ATP11B: variants seen among roughly 807,000 people sequenced by gnomAD.
ATP11B encodes the protein ATPase phospholipid transporting 11B (putative).
In ATP11B, 81 loss-of-function variants were observed where a neutral mutation model predicts 157.8. The ratio of observed to expected loss-of-function variants is 0.51; its 90% CI spans 0.43 to 0.62. ATP11B has a LOEUF of 0.62. ATP11B is among the 20% of genes least tolerant of loss of function. The probability of loss-of-function intolerance (pLI) is 0.00; values close to 1 mark genes in which losing one functional copy is unlikely to be tolerated. For synonymous variants in ATP11B, 451 were observed against 469.4 expected (o/e 0.96, Z 0.51); for missense variants, 1,165 against 1,402.2 (o/e 0.83, Z 2.70).
chr3:182,897,465 G>A, intron 27 of ATP11B, 59 bp downstream of exon 27: 1 of 1,178,566 alleles, frequency 8.5e-7, no homozygotes, highest in Non-Finnish European at 1.2e-6. Context: ...CATTTATTGT[G>A]ATAGGTTACA....
intron 4 of ATP11B, among the ~76,000 whole-genome samples, chr3:182,834,662 T>G (rs1422563245): frequency 6.6e-6 from 1 of 152,250 alleles, no homozygotes; most frequent in African/African-American, 2.4e-5. Context: ...TCTTTTCCAC[T>G]TAAAAGATCG....
rs1030256822 is a variant in ATP11B at position 182,920,314 on chromosome 3, C to A, written c.*2210C>A. On this transcript the variant is annotated 3_prime_UTR_variant, in exon 30 of 30. Coordinates refer to ENST00000323116, the MANE Select transcript of ATP11B (RefSeq NM_014616.3). The stretch of plus-strand genomic sequence containing the variant: ...CTAGTGTGCTCATCCTGAACTGTTA[C>A]TCCAAATCCACTCCGTTTTTAAAGC... 2 of 152,156 alleles carry A rather than the reference C, an allele frequency of 1.3e-5. No individual in the cohort carries two copies. Among genetic ancestry groups the A allele is most frequent in the Non-Finnish European group, 2.9e-5 (2 of 68,028 alleles). The allele number at this position is 152,156 out of a possible 1,614,324, so 9.4% of individuals were successfully genotyped here.
At chr3:182,894,557 A>C (rs906969245) in intron 25 of ATP11B, among the ~76,000 whole-genome samples, 9 of 152,192 alleles carry the variant, frequency 5.9e-5, no homozygotes, top group African/African-American at 1.9e-4. Context: ...GCTCAAGGGC[A>C]AGTCAGAATG....
Position 182,820,288 on chromosome 3 carries a change from C to G in ATP11B, c.56C>G (p.Thr19Arg), listed in dbSNP as rs959180783. 1 of 1,614,050 alleles carries G rather than the reference C, an allele frequency of 6.2e-7. No individual in the cohort carries two copies. Residue 19 changes from threonine (T) to arginine (R), a missense_variant, in exon 2 of 30, where the codon ACA becomes AGA. By Grantham distance (71) the Thr-to-Arg change is moderately conservative (BLOSUM62 -1). This residue lies in a region of ATP11B where 91 missense variants were observed against 95.8 expected (regional missense o/e 0.95). Transcript: ENST00000323116. ...TTTGACCCACCACATCAGAGTGACA[C>G]AAGAACCATCTACGTAGCCAACAGG... is the stretch of plus-strand genomic sequence containing the variant. ...LGFDPPHQSD[T>R]RTIYVANRFP...
At position 182,921,256 on chromosome 3, in the gene ATP11B, T is replaced by G. The variant is rs1271916030; in HGVS notation, c.*3152T>G. ...ACCAAAGAGTTACGTAAAACATGTT[T>G]TATTAATTTTGGTCCCCACGTACAG... is the stretch of plus-strand genomic sequence containing the variant. On this transcript the variant is annotated 3_prime_UTR_variant, in exon 30 of 30. Coordinates refer to ENST00000323116, the MANE Select transcript of ATP11B (RefSeq NM_014616.3). 1 of 152,218 alleles carries G rather than the reference T, an allele frequency of 6.6e-6. No individual in the cohort carries two copies. The highest frequency in any genetic ancestry group is 2.4e-5 in the African/African-American group (1 of 41,456). The allele number at this position is 152,218 out of a possible 1,614,324, so 9.4% of individuals were successfully genotyped here. A position where few individuals can be genotyped will look rare whatever the true frequency, so the allele number is the denominator to read the frequency against.
chr3:182,912,644 G>T (rs564779808), intron 28 of ATP11B, among the ~76,000 whole-genome samples: 1 of 152,256 alleles, frequency 6.6e-6, no homozygotes, highest in East Asian at 1.9e-4. Context: ...ACACTGTGTG[G>T]TGTTGAATCT....
intron 1 of ATP11B, among the ~76,000 whole-genome samples, chr3:182,814,686 G>A (rs1176258495): frequency 1.3e-5 from 2 of 152,062 alleles, no homozygotes; most frequent in African/African-American, 4.8e-5. Context: ...GTGTGCATCT[G>A]TAGTCCCAGC....
At chr3:182,893,550 A>G (rs1443461734) in intron 25 of ATP11B, among the ~76,000 whole-genome samples, 1 of 152,198 alleles carries the variant, frequency 6.6e-6, no homozygotes, top group Non-Finnish European at 1.5e-5. Context: ...GTTGTATTCC[A>G]TGGTATATAT....
At position 182,793,682 on chromosome 3, in the gene ATP11B, C is replaced by T. The variant is rs1715390318; in HGVS notation, c.-78C>T. The T allele has an allele frequency of 9.9e-6, 10 of 1,008,648 alleles. No homozygotes were observed. The highest frequency in any genetic ancestry group is 1.4e-5 in the Non-Finnish European group (10 of 725,328). 62.5% of individuals were successfully genotyped at this position (1,008,648 alleles called of 1,614,324 possible). A position where few individuals can be genotyped will look rare whatever the true frequency, so the allele number is the denominator to read the frequency against. ...TCGGCCCGAGGGGCTCGCCCGCTCC[C>T]GCCTCTGTCTTGTCGGCCTCCACCT... On this transcript the variant is annotated 5_prime_UTR_variant, in exon 1 of 30. Transcript: ENST00000323116.
At chr3:182,888,524 C>CT (rs1225431897) in intron 24 of ATP11B, among the ~76,000 whole-genome samples, 1 of 151,898 alleles carries the variant, frequency 6.6e-6, no homozygotes, top group Non-Finnish European at 1.5e-5. Flanking sequence ...TGTCATATTT[C>CT]TTTTTTTCTT....
intron 4 of ATP11B, among the ~76,000 whole-genome samples, chr3:182,835,790 T>G (rs1718501784): frequency 1.3e-5 from 2 of 152,076 alleles, no homozygotes; most frequent in African/African-American, 4.8e-5. Context: ...AGGAGCCTCC[T>G]TAAGGAAATT....
chr3:182,846,307 A>C (rs1159834345), intron 9 of ATP11B, among the ~76,000 whole-genome samples: 3 of 152,116 alleles, frequency 2.0e-5, no homozygotes, highest in Non-Finnish European at 4.4e-5. Flanking sequence ...AGAAAAAAAA[A>C]AAAACACAAA....
At chr3:182,810,302 A>G (rs749313664) in intron 1 of ATP11B, among the ~76,000 whole-genome samples, 29 of 152,334 alleles carry the variant, frequency 1.9e-4, no homozygotes, top group Non-Finnish European at 3.5e-4. Flanking sequence ...ACTGCACCTC[A>G]GCCTGAGCGA....
At chr3:182,881,140 A>G (rs571104606) in intron 21 of ATP11B, among the ~76,000 whole-genome samples, 159 bp downstream of exon 21, 4 of 152,224 alleles carry the variant, frequency 2.6e-5, no homozygotes, top group Non-Finnish European at 5.9e-5. Flanking sequence ...CCCATCAGAA[A>G]CTTACTATAA....
At chr3:182,885,850 G>A in intron 22 of ATP11B, 101 bp from the exon 23 acceptor site, 1 of 690,446 alleles carries the variant, frequency 1.4e-6, no homozygotes, top group Non-Finnish European at 2.3e-6. Context: ...CATACCAACT[G>A]AGATTGTTTT....
At chr3:182,827,522 C>T (rs148440041) in intron 2 of ATP11B, among the ~76,000 whole-genome samples, 396 of 151,724 alleles carry the variant, frequency 2.6e-3, no homozygotes, top group Non-Finnish European at 4.7e-3. Flanking sequence ...TGCTTTTAAC[C>T]ATTGTGCTAT....
Position 182,868,413 on chromosome 3 carries a change from A to G in ATP11B, c.1689-665A>G, listed in dbSNP as rs375094227. ...TCTAGCTTATTTTATCAACTTATAA[A>G]CCATTATTCAACTCACTGTTTTTCT... On this transcript the variant is annotated intron_variant, in intron 15 of 29. Coordinates refer to ENST00000323116, the MANE Select transcript of ATP11B (RefSeq NM_014616.3). 3.3e-5 allele frequency among the ~76,000 whole-genome samples: 5 copies of G among 150,808 alleles called. No individual in the cohort carries two copies. In the South Asian group the frequency reaches 1.1e-3, roughly 32 times the overall value.
chr3:182,897,668 A>G (rs1723649532), intron 27 of ATP11B, among the ~76,000 whole-genome samples: 1 of 151,988 alleles, frequency 6.6e-6, no homozygotes, highest in Non-Finnish European at 1.5e-5. Context: ...ACTGAGCCTC[A>G]GGATCACAAA....
intron 28 of ATP11B, among the ~76,000 whole-genome samples, chr3:182,905,424 C>A (rs1724276215): frequency 1.3e-5 from 2 of 152,134 alleles, no homozygotes; most frequent in South Asian, 4.1e-4. Context: ...GTAGAGAAGT[C>A]TTCTGAGAAG....
Sources: gnomAD v4.1 joint callset for allele counts (sites outside exome capture counted in the v4.1 genomes callset) on GRCh38, gnomAD v4.1.1 for gene constraint, gnomAD v4.1.1 regional missense constraint, MANE v1.5 for transcripts, NCBI Gene and HGNC (gene_info 2026-07-23, HGNC 2026-07-21) for gene names.